The following STYXL1 variants were observed in gnomAD, a reference collection of about 807,000 sequenced individuals.
STYXL1 encodes the protein serine/threonine/tyrosine interacting like 1, also known as serine/threonine/tyrosine-interacting-like protein 1.
Under a neutral mutation model 36.4 loss-of-function variants are expected in STYXL1, and 32 were observed. The observed-to-expected ratio is 0.88, with a 90% CI of 0.66 to 1.18. STYXL1 has a LOEUF of 1.18. Ranked by LOEUF, STYXL1 falls within the 50% of genes most tolerant of loss-of-function variation. The pLI is 0.00. For missense variants in STYXL1, 354 were observed against 394.1 expected (o/e 0.90, Z 0.86); for synonymous variants, 133 against 144.1 (o/e 0.92, Z 0.55).
At chr7:76,014,921 T>TA (rs1793091327) in intron 4 of STYXL1, among the ~76,000 whole-genome samples, 1 of 152,042 alleles carries the variant, frequency 6.6e-6, no homozygotes, top group African/African-American at 2.4e-5. Flanking sequence ...CACACACCTA[T>TA]AACCATCTGA....
chr7:76,032,227 T>TAA (rs374647212), intron 1 of STYXL1, among the ~76,000 whole-genome samples: 1,789 of 139,922 alleles, frequency 0.013, 32 homozygotes, highest in African/African-American at 0.044. Context: ...ACCCCATCTC[T>TAA]AAAAAAAAAA....
rs3779422 is a variant in STYXL1, at chr7:76,038,251, C to T, written c.-4-7724G>A. On this transcript the variant is annotated intron_variant, in intron 1 of 8. Transcript: ENST00000359697. ...TTATTTTTTTGTAGAGACAGGGTCT[C>T]GCTTCCGGAAGAGAACAATGGGGAA... 3.1e-4 allele frequency among the ~76,000 whole-genome samples: 46 copies of T among 148,668 alleles called. No homozygotes were observed. In the East Asian group the frequency reaches 8.3e-3, roughly 27 times the overall value.
At chr7:75,998,132 A>T (rs1014795221) in intron 8 of STYXL1, among the ~76,000 whole-genome samples, 3 of 152,198 alleles carry the variant, frequency 2.0e-5, no homozygotes, top group African/African-American at 7.2e-5. Flanking sequence ...CCCATAAAAA[A>T]TATTTAAGAA....
chr7:76,009,694 C>A (rs1792319366), intron 5 of STYXL1, among the ~76,000 whole-genome samples: 3 of 152,240 alleles, frequency 2.0e-5, no homozygotes, highest in Admixed American at 2.0e-4. Flanking sequence ...CAGGCGTGAG[C>A]CTCCAAGCCC....
At chr7:76,040,994 C>G (rs1796427680) in intron 1 of STYXL1, among the ~76,000 whole-genome samples, 1 of 151,804 alleles carries the variant, frequency 6.6e-6, no homozygotes, top group South Asian at 2.1e-4. Flanking sequence ...TGATAACCAC[C>G]TTTCTAACCC....
Position 76,003,865 on chromosome 7 carries a change from A to G in STYXL1, c.600-10T>C. Reference sequence around the variant, plus strand: ...AGCATCGCCTGCAAAACTACACGGAAGGACCACACAGGTCATCAGGTGGAA... The same window carrying G: ...AGCATCGCCTGCAAAACTACACGGAGGGACCACACAGGTCATCAGGTGGAA... On this transcript the variant is annotated splice_polypyrimidine_tract_variant and intron_variant, in intron 6 of 8. Transcript: ENST00000359697. 6.2e-7 allele frequency: 1 copy of G among 1,613,558 alleles called. No homozygotes were observed. Among genetic ancestry groups the G allele is most frequent in the Non-Finnish European group, 8.5e-7 (1 of 1,179,538 alleles).
At chr7:76,015,847 G>A (rs1793233246) in intron 4 of STYXL1, among the ~76,000 whole-genome samples, 1 of 152,294 alleles carries the variant, frequency 6.6e-6, no homozygotes, top group Non-Finnish European at 1.5e-5. Flanking sequence ...CTAATCAGCT[G>A]CCAGTACAGC....
intron 8 of STYXL1, among the ~76,000 whole-genome samples, chr7:76,000,157 C>A (rs1554566281): frequency 1.3e-5 from 2 of 148,578 alleles, no homozygotes. Flanking sequence ...ATCGCTTGAA[C>A]CCAGGAGGTG....
At chr7:76,004,100 T>G (rs1374369237) in intron 6 of STYXL1, among the ~76,000 whole-genome samples, 1 of 152,088 alleles carries the variant, frequency 6.6e-6, no homozygotes, top group Non-Finnish European at 1.5e-5. Flanking sequence ...TTGTCTTTTT[T>G]TTTGTTTGTT....
At chr7:76,017,158 G>C (rs962924367) in intron 4 of STYXL1, among the ~76,000 whole-genome samples, 4 of 152,016 alleles carry the variant, frequency 2.6e-5, no homozygotes, top group Non-Finnish European at 4.4e-5. Context: ...GAGTAGCTAG[G>C]ATTACAGGCA....
chr7:76,037,119 G>C (rs1376397880), intron 1 of STYXL1, among the ~76,000 whole-genome samples: 1 of 149,960 alleles, frequency 6.7e-6, no homozygotes, highest in African/African-American at 2.4e-5. Flanking sequence ...GGGTGTGGTA[G>C]CTCACACCTG....
At chr7:76,006,199 G>C (rs1791745660) in intron 5 of STYXL1, among the ~76,000 whole-genome samples, 1 of 151,954 alleles carries the variant, frequency 6.6e-6, no homozygotes, top group African/African-American at 2.4e-5. Context: ...AGCCTCCCAG[G>C]TAGCTGGGAC....
chr7:76,018,569 T>TTAATA (rs1793674982), intron 4 of STYXL1, among the ~76,000 whole-genome samples: 1 of 152,186 alleles, frequency 6.6e-6, no homozygotes, highest in African/African-American at 2.4e-5. Flanking sequence ...TTTTGTATTT[T>TTAATA]TAATAGAGAT....
intron 5 of STYXL1, among the ~76,000 whole-genome samples, chr7:76,011,794 G>A (rs533757532): frequency 1.1e-3 from 175 of 152,290 alleles, no homozygotes; most frequent in African/African-American, 4.1e-3. Context: ...TTGGCTCTGG[G>A]AAGCTCAAGT....
chr7:76,044,200 C>G (rs1554582852), intron 1 of STYXL1: 1 of 152,208 alleles, frequency 6.6e-6, no homozygotes, highest in Non-Finnish European at 1.5e-5. Flanking sequence ...ATTCTGTCAC[C>G]CAGACTGGGG....
At chr7:76,009,254 C>G (rs1792220494) in intron 5 of STYXL1, among the ~76,000 whole-genome samples, 1 of 151,560 alleles carries the variant, frequency 6.6e-6, no homozygotes, top group Admixed American at 6.6e-5. Context: ...CCCCCAAAAC[C>G]ACCTCCTTCT....
chr7:76,028,646 T>C lies in STYXL1; in HGVS notation c.161A>G (p.Lys54Arg), dbSNP rs782198880. ...ATCCTGACGCTGCCCATGTACCTTC[T>C]TCACTCGAAGGGCAGTGATCACATG... ...ESHVITALRV[K>R]KKNNEYLLPE... The change falls in exon 3 of 9, where the codon AAG becomes AGG. Residue 54 changes from lysine to arginine, a missense_variant. Transcript: ENST00000359697. The C allele has an allele frequency of 3.4e-5, 55 of 1,613,880 alleles. No individual in the cohort carries two copies. Among genetic ancestry groups the C allele is most frequent in the Non-Finnish European group, 4.2e-5 (50 of 1,179,966 alleles).
At chr7:76,011,975 C>T (rs1269425304) in intron 5 of STYXL1, among the ~76,000 whole-genome samples, 1 of 152,240 alleles carries the variant, frequency 6.6e-6, no homozygotes, top group East Asian at 1.9e-4. Flanking sequence ...AGGTGATGGA[C>T]AAAGGGGTTT....
intron 6 of STYXL1, 105 bp from the exon 7 acceptor site, chr7:76,003,960 T>A: frequency 1.0e-6 from 1 of 981,112 alleles, no homozygotes; most frequent in Non-Finnish European, 1.6e-6. Context: ...GACGCTGAGC[T>A]TGTGTAAGGG....
Sources: allele counts gnomAD v4.1 joint callset (sites outside exome capture counted in the v4.1 genomes callset), GRCh38; gene constraint gnomAD v4.1.1; transcripts MANE v1.5; gene names NCBI Gene and HGNC (gene_info 2026-07-23, HGNC 2026-07-21).